Variants in EXOC4 observed in about 807,000 individuals in gnomAD.
The protein encoded by EXOC4 is SEC8-like 1.
A neutral mutation model predicts 107.2 loss-of-function variants in EXOC4; 71 were observed. That is an observed-to-expected ratio of 0.66 (90% CI 0.55 to 0.81). EXOC4 has a LOEUF of 0.81. Ranked by LOEUF, EXOC4 falls within the 30% of genes least tolerant of loss-of-function variation. The pLI, the probability that EXOC4 is intolerant of heterozygous loss-of-function variation, is 0.00. For synonymous variants in EXOC4, 456 were observed against 441.2 expected (o/e 1.03, Z -0.42); for missense variants, 1,108 against 1,189.6 (o/e 0.93, Z 1.01).
chr7:133,843,403 C>T (rs1425372902), intron 11 of EXOC4, among the ~76,000 whole-genome samples: 7 of 152,214 alleles, frequency 4.6e-5, no homozygotes, highest in South Asian at 4.1e-4. Flanking sequence ...TAGCTGTATT[C>T]CTAGTATTGT....
the EXOC4 span, among the ~76,000 whole-genome samples, chr7:134,093,436 G>C: frequency 6.6e-6 from 1 of 152,200 alleles, no homozygotes; most frequent in Admixed American, 6.5e-5. Context: ...AGTACTTATA[G>C]ATCTACAAAA....
chr7:133,758,322 A>G (rs911929832), intron 10 of EXOC4, among the ~76,000 whole-genome samples: 5 of 152,080 alleles, frequency 3.3e-5, no homozygotes, highest in South Asian at 2.1e-4. Context: ...TATTTTTAAT[A>G]GAGATGGGGT....
intron 10 of EXOC4, among the ~76,000 whole-genome samples, chr7:133,712,080 C>G (rs890117405): frequency 6.6e-6 from 1 of 152,080 alleles, no homozygotes; most frequent in African/African-American, 2.4e-5. Flanking sequence ...GGTGTTACTT[C>G]AAGCCCACTA....
intron 9 of EXOC4, among the ~76,000 whole-genome samples, chr7:133,537,303 C>CCA (rs1554469179): frequency 1.4e-5 from 2 of 147,622 alleles, no homozygotes; most frequent in African/African-American, 2.6e-5. Context: ...GGCACCCCCC[C>CCA]CCCCACCACA....
chr7:133,720,481 C>T (rs575185922), intron 10 of EXOC4, among the ~76,000 whole-genome samples: 3 of 152,152 alleles, frequency 2.0e-5, no homozygotes, highest in Non-Finnish European at 4.4e-5. Flanking sequence ...ACAAAACAGT[C>T]GACCATAGGA....
chr7:134,051,089 A>G (rs1795774933), intron 17 of EXOC4, among the ~76,000 whole-genome samples: 1 of 152,210 alleles, frequency 6.6e-6, no homozygotes, highest in Non-Finnish European at 1.5e-5. Context: ...AGGTTTTGCA[A>G]GCTAGTTCCG....
chr7:133,436,527 C>T (rs1218658042), intron 7 of EXOC4, among the ~76,000 whole-genome samples: 1 of 151,534 alleles, frequency 6.6e-6, no homozygotes, highest in African/African-American at 2.4e-5. Context: ...CTAATATTAT[C>T]CATATCTTAT....
chr7:134,010,492 C>A (rs111745611), intron 17 of EXOC4, among the ~76,000 whole-genome samples: 276 of 152,168 alleles, frequency 1.8e-3, no homozygotes, highest in African/African-American at 6.1e-3. Flanking sequence ...CCTTATTTTT[C>A]CCCCGCTTCT....
intron 7 of EXOC4, among the ~76,000 whole-genome samples, chr7:133,384,736 A>T (rs1796689377): frequency 1.2e-4 from 1 of 8,538 alleles, no homozygotes; most frequent in African/African-American, 2.1e-4. Flanking sequence ...AAGCGTATTT[A>T]AAAAAAAAAA....
chr7:133,650,939 T>G (rs948867868), intron 10 of EXOC4, among the ~76,000 whole-genome samples: 1 of 49,156 alleles, frequency 2.0e-5, no homozygotes, highest in Non-Finnish European at 3.9e-5. Context: ...ATTGGTCAGT[T>G]TTTTTTTTTT....
intron 11 of EXOC4, among the ~76,000 whole-genome samples, chr7:133,851,990 A>G (rs540795837): frequency 6.6e-6 from 1 of 152,280 alleles, no homozygotes; most frequent in South Asian, 2.1e-4. Context: ...TGGCAAATTA[A>G]AATACCCAGA....
At chr7:133,254,212 C>G (rs1794960828) in intron 1 of EXOC4, among the ~76,000 whole-genome samples, 1 of 152,164 alleles carries the variant, frequency 6.6e-6, no homozygotes, top group African/African-American at 2.4e-5. Context: ...GCTTACCACT[C>G]ACTGACAAAG....
chr7:133,305,118 T>G (rs1794722739), intron 3 of EXOC4, among the ~76,000 whole-genome samples: 1 of 151,876 alleles, frequency 6.6e-6, no homozygotes, highest in Admixed American at 6.6e-5. Flanking sequence ...TCAAAGTGAG[T>G]TGGTTGCTCC....
chr7:133,962,637 A>T (rs1244123768), intron 14 of EXOC4, among the ~76,000 whole-genome samples: 1 of 152,144 alleles, frequency 6.6e-6, no homozygotes, highest in Non-Finnish European at 1.5e-5. Context: ...TACCACACAA[A>T]CAACATTTAG....
chr7:133,738,004 T>C (rs1334046998), intron 10 of EXOC4, among the ~76,000 whole-genome samples: 1 of 139,492 alleles, frequency 7.2e-6, no homozygotes, highest in African/African-American at 2.6e-5. Flanking sequence ...CTCTGCCTCC[T>C]GGGTTCAAGC....
chr7:133,955,804 CT>C (rs1391051113), intron 14 of EXOC4, among the ~76,000 whole-genome samples: 1 of 152,246 alleles, frequency 6.6e-6, no homozygotes, highest in Admixed American at 6.5e-5. Flanking sequence ...CGTGTCAGCA[CT>C]TCCCTGAGTG....
intron 9 of EXOC4, among the ~76,000 whole-genome samples, chr7:133,496,305 A>G (rs918767724): frequency 2.0e-5 from 3 of 152,138 alleles, no homozygotes; most frequent in African/African-American, 7.2e-5. Context: ...ACAGGTGTGC[A>G]CCACCGCATG....
At chr7:133,975,025 C>CTT (rs3049805) in intron 14 of EXOC4, among the ~76,000 whole-genome samples, 24,429 of 150,046 alleles carry the variant, frequency 0.16, 2,391 homozygotes, top group South Asian at 0.24. Flanking sequence ...ATTCCTATAC[C>CTT]TTTTTTTTTT....
intron 8 of EXOC4, chr7:133,478,949 C>T (rs1304342829): frequency 6.6e-6 from 1 of 152,072 alleles, no homozygotes; most frequent in African/African-American, 2.4e-5. Flanking sequence ...GATCACGTAA[C>T]CCAAGTGTTT....
Sources: allele counts gnomAD v4.1 joint callset (sites outside exome capture counted in the v4.1 genomes callset), GRCh38; gene constraint gnomAD v4.1.1; transcripts MANE v1.5; gene names NCBI Gene and HGNC (gene_info 2026-07-23, HGNC 2026-07-21).